PCDHA10: variants seen among roughly 807,000 people sequenced by gnomAD.
The protein encoded by PCDHA10 is protocadherin alpha-10.
In PCDHA10, 45 loss-of-function variants were observed where a neutral mutation model predicts 61.2. That is an observed-to-expected ratio of 0.74 (90% confidence interval 0.58 to 0.94). PCDHA10 has a LOEUF of 0.94. PCDHA10 is among the 40% of genes least tolerant of loss of function. PCDHA10 has a pLI of 0.00. For missense variants in PCDHA10, 1,278 were observed against 1,236.2 expected, an observed-to-expected ratio of 1.03 and a Z score of -0.51; for synonymous variants, 602 against 548.8, an observed-to-expected ratio of 1.10 and a Z score of -1.35.
At chr5:140,982,191 T>G (rs1431582069) in intron 2 of PCDHA10, among the ~76,000 whole-genome samples, 1 of 152,266 alleles carries the variant, frequency 6.6e-6, no homozygotes, top group African/African-American at 2.4e-5. Context: ...ATGGGCTTCC[T>G]GTTAGATTTA....
At chr5:140,871,532 T>G in intron 1 of PCDHA10, 1 of 1,515,318 alleles carries the variant, frequency 6.6e-7, no homozygotes, top group Non-Finnish European at 8.8e-7. Flanking sequence ...AGGAAGTGTA[T>G]GTGAAATTAT....
chr5:140,929,541 G>A, intron 1 of PCDHA10: 6 of 542,944 alleles, frequency 1.1e-5, no homozygotes, highest in Non-Finnish European at 1.8e-5. Context: ...AGAAACAAGG[G>A]CAAAAATTAA....
At chr5:140,880,822 A>G (rs893258483) in intron 1 of PCDHA10, among the ~76,000 whole-genome samples, 1 of 152,206 alleles carries the variant, frequency 6.6e-6, no homozygotes, top group Non-Finnish European at 1.5e-5. Context: ...GAGTGTCTGG[A>G]AGGGCATATT....
chr5:140,984,042 T>C (rs2097082521), intron 3 of PCDHA10, among the ~76,000 whole-genome samples: 1 of 152,148 alleles, frequency 6.6e-6, no homozygotes, highest in Non-Finnish European at 1.5e-5. Flanking sequence ...ATAAAATAGT[T>C]CATTGACAAA....
At chr5:140,958,294 A>G (rs1324756311) in intron 1 of PCDHA10, among the ~76,000 whole-genome samples, 1 of 152,142 alleles carries the variant, frequency 6.6e-6, no homozygotes, top group African/African-American at 2.4e-5. Context: ...ATATTATTGA[A>G]CTTAATTAAA....
At chr5:140,978,770 A>G in intron 1 of PCDHA10, 179 bp from the exon 2 acceptor site, 3 of 956,466 alleles carry the variant, frequency 3.1e-6, no homozygotes, top group Non-Finnish European at 2.5e-6. Context: ...CTGATGAACT[A>G]ATTTTCTTCT....
At chr5:140,984,788 T>C (rs2097121100) in intron 3 of PCDHA10, among the ~76,000 whole-genome samples, 1 of 152,292 alleles carries the variant, frequency 6.6e-6, no homozygotes, top group Non-Finnish European at 1.5e-5. Context: ...TGGGTGAGCA[T>C]AGACAAACTG....
At chr5:140,967,120 G>C in intron 1 of PCDHA10, 1 of 1,612,860 alleles carries the variant, frequency 6.2e-7, no homozygotes, top group East Asian at 2.2e-5. Flanking sequence ...CTCGCTGCCT[G>C]CTCAGCTTGG....
chr5:140,983,118 A>G (rs1251873984), intron 3 of PCDHA10, among the ~76,000 whole-genome samples: 1 of 152,220 alleles, frequency 6.6e-6, no homozygotes, highest in African/African-American at 2.4e-5. Flanking sequence ...CATCAACAAC[A>G]TTCTGCAGAC....
In PCDHA10 at chr5:140,953,934, C is replaced by T. The variant is rs2094953906; in HGVS notation, c.2389-25015C>T. 2.6e-5 allele frequency among the ~76,000 whole-genome samples: 4 copies of T among 152,200 alleles called. No homozygotes were observed. The South Asian group carries it at 8.3e-4, about 32-fold the overall frequency. On this transcript the variant is annotated intron_variant, in intron 1 of 3. Transcript: ENST00000307360. ...TTAGGTATTCTTCCTGATGCTCTCC[C>T]TCCCATTGCTCCCCCAACAGGCCCC...
At chr5:140,940,795 A>G (rs2153647229) in intron 1 of PCDHA10, among the ~76,000 whole-genome samples, 1 of 152,276 alleles carries the variant, frequency 6.6e-6, no homozygotes, top group Non-Finnish European at 1.5e-5. Flanking sequence ...TGAAAATGAT[A>G]TTTGCCAGGA....
intron 3 of PCDHA10, among the ~76,000 whole-genome samples, chr5:140,982,814 A>G (rs1166333981): frequency 6.6e-6 from 1 of 151,580 alleles, no homozygotes; most frequent in Non-Finnish European, 1.5e-5. Context: ...TGTGTGTATG[A>G]AGTTTTTGGG....
At chr5:140,932,471 A>G (rs1056932090) in intron 1 of PCDHA10, among the ~76,000 whole-genome samples, 11 of 152,050 alleles carry the variant, frequency 7.2e-5, no homozygotes, top group African/African-American at 1.7e-4. Flanking sequence ...TATAGGAAAT[A>G]GGATATCTCC....
In PCDHA10 at chr5:140,928,114, A is replaced by C. The variant is rs200013855; in HGVS notation, c.2389-50835A>C. ...TGATGGGCCCCTGGACCGGGAGCAG[A>C]TCAGTGAATACCAAGTCCTGATCAC... On this transcript the variant is annotated intron_variant, in intron 1 of 3. Coordinates refer to ENST00000307360, the MANE Select transcript of PCDHA10 (RefSeq NM_018901.4). 280 of 1,614,088 alleles carry C rather than the reference A, an allele frequency of 1.7e-4. No individual in the cohort carries two copies. Among genetic ancestry groups the C allele is most frequent in the Middle Eastern group, 6.6e-4 (4 of 6,084 alleles).
At chr5:140,887,538 A>AC (rs1554183096) in intron 1 of PCDHA10, among the ~76,000 whole-genome samples, 1 of 151,216 alleles carries the variant, frequency 6.6e-6, no homozygotes, top group Admixed American at 6.6e-5. Flanking sequence ...TCCTCTCCCC[A>AC]CCCCTCATGG....
chr5:140,883,184 G>T (rs1341554668), intron 1 of PCDHA10: 10 of 1,613,756 alleles, frequency 6.2e-6, no homozygotes, highest in Non-Finnish European at 8.5e-6. Flanking sequence ...TAGGACAAAA[G>T]GCAAACTAGA....
chr5:140,875,054 C>A (rs2055251816), intron 1 of PCDHA10, among the ~76,000 whole-genome samples: 1 of 152,146 alleles, frequency 6.6e-6, no homozygotes, highest in Non-Finnish European at 1.5e-5. Flanking sequence ...TACTTTGAAG[C>A]AGAAAACATT....
At chr5:140,870,659 T>C (rs2052268691) in intron 1 of PCDHA10, 2 of 1,612,520 alleles carry the variant, frequency 1.2e-6, no homozygotes, top group Non-Finnish European at 1.7e-6. Flanking sequence ...GTGTACGCGC[T>C]GCAGCCGTTG....
intron 1 of PCDHA10, among the ~76,000 whole-genome samples, chr5:140,891,857 C>G (rs1202628035): frequency 6.6e-6 from 1 of 152,194 alleles, no homozygotes; most frequent in Non-Finnish European, 1.5e-5. Context: ...GCCTGTCCCT[C>G]TCTTATGCTT....
Sources: allele counts gnomAD v4.1 joint callset (sites outside exome capture counted in the v4.1 genomes callset), GRCh38; gene constraint gnomAD v4.1.1; transcripts MANE v1.5; gene names NCBI Gene and HGNC (gene_info 2026-07-23, HGNC 2026-07-21).